Variants in TMEM185A observed in about 807,000 individuals in gnomAD.
The protein encoded by TMEM185A is family with sequence similarity 11, member A.
In TMEM185A, 9 loss-of-function variants were observed where a neutral mutation model predicts 25.0. That is an observed-to-expected ratio of 0.36 (90% confidence interval 0.22 to 0.63). The LOEUF is 0.63. Among genes scored for constraint, TMEM185A ranks in the 20% least tolerant of loss-of-function variants. The pLI, the probability that TMEM185A is intolerant of heterozygous loss-of-function variation, is 0.68. For synonymous variants in TMEM185A, 45 were observed against 93.5 expected (o/e 0.48, Z 2.99); for missense variants, 103 against 237.4 (o/e 0.43, Z 3.72).
chrX:149,616,672 G>A (rs149235055), intron 1 of TMEM185A, among the ~76,000 whole-genome samples: 2,163 of 111,605 alleles, frequency 0.019, 45 homozygotes, highest in African/African-American at 0.056. Context: ...TATCTTTGTG[G>A]GTCATGATTT....
chrX:149,622,594 A>G (rs2090144657), intron 1 of TMEM185A, among the ~76,000 whole-genome samples: 1 of 112,587 alleles, frequency 8.9e-6, no homozygotes, highest in Non-Finnish European at 1.9e-5. Flanking sequence ...ATCATGGGGC[A>G]GCAATACACA....
chrX:149,627,088 A>T (rs1322104630), intron 1 of TMEM185A, among the ~76,000 whole-genome samples: 4 of 111,243 alleles, frequency 3.6e-5, no homozygotes, highest in African/African-American at 1.3e-4. Flanking sequence ...CAGACACTTT[A>T]CGGGTGTCGG....
intron 1 of TMEM185A, among the ~76,000 whole-genome samples, chrX:149,614,011 CTAAT>C (rs2090098049): frequency 1.8e-5 from 2 of 112,235 alleles, no homozygotes; most frequent in Non-Finnish European, 3.8e-5. Flanking sequence ...TTCTTAGTAA[CTAAT>C]AGAACACATA....
chrX:149,614,089 A>T (rs2090098548), intron 1 of TMEM185A, among the ~76,000 whole-genome samples: 1 of 112,155 alleles, frequency 8.9e-6, no homozygotes, highest in Non-Finnish European at 1.9e-5. Context: ...GACCTAATTA[A>T]TATTAATGAG....
chrX:149,602,436 T>C, intron 4 of TMEM185A, among the ~76,000 whole-genome samples: 1 of 112,547 alleles, frequency 8.9e-6, no homozygotes, highest in Non-Finnish European at 1.9e-5. Context: ...GACCAGTTCT[T>C]GATTGTAGGT....
intron 3 of TMEM185A, among the ~76,000 whole-genome samples, chrX:149,604,679 C>T (rs145657358): frequency 8.1e-5 from 9 of 111,435 alleles, no homozygotes; most frequent in East Asian, 2.8e-4. Context: ...TTTCTCTCTG[C>T]GAGACAGTAA....
At chrX:149,622,136 A>T (rs978522254) in intron 1 of TMEM185A, among the ~76,000 whole-genome samples, 7 of 112,435 alleles carry the variant, frequency 6.2e-5, no homozygotes, top group Non-Finnish European at 1.3e-4. Flanking sequence ...ATCAGAAATC[A>T]GATGACAGAG....
chrX:149,624,542 C>T (rs1197252965), intron 1 of TMEM185A, among the ~76,000 whole-genome samples: 1 of 111,544 alleles, frequency 9.0e-6, no homozygotes, highest in East Asian at 2.8e-4. Context: ...TTAACACATG[C>T]CTGCATGCAC....
chrX:149,602,667 G>C (rs1557352580), intron 4 of TMEM185A, among the ~76,000 whole-genome samples: 1 of 112,456 alleles, frequency 8.9e-6, no homozygotes, highest in East Asian at 2.8e-4. Context: ...TTTGTGGAAA[G>C]CTCTCAAAAT....
intron 1 of TMEM185A, among the ~76,000 whole-genome samples, chrX:149,620,663 T>C (rs2090135376): frequency 8.9e-6 from 1 of 111,765 alleles, no homozygotes; most frequent in African/African-American, 3.3e-5. Context: ...TGTCTTAGTA[T>C]TATAATTTTG....
chrX:149,631,138 G>C (rs1200558987), intron 1 of TMEM185A, among the ~76,000 whole-genome samples: 2 of 110,614 alleles, frequency 1.8e-5, no homozygotes, highest in African/African-American at 6.6e-5. Flanking sequence ...CAGCTGGGGT[G>C]GGGGTAGGGG....
At chrX:149,609,664 G>A (rs2090071396) in intron 2 of TMEM185A, among the ~76,000 whole-genome samples, 3 of 112,079 alleles carry the variant, frequency 2.7e-5, no homozygotes, top group African/African-American at 6.5e-5. Context: ...CAAATACACC[G>A]GAAGTTAGAT....
intron 4 of TMEM185A, chrX:149,603,694 A>G: frequency 4.8e-6 from 1 of 207,984 alleles, no homozygotes; most frequent in Non-Finnish European, 8.7e-6. Context: ...TGTATCAATT[A>G]AACTTTAGAA....
intron 1 of TMEM185A, among the ~76,000 whole-genome samples, chrX:149,621,202 T>C (rs904398381): frequency 1.9e-5 from 2 of 104,899 alleles, no homozygotes; most frequent in South Asian, 3.9e-4. Context: ...TTTCAGACTA[T>C]AAATAAAAAG....
At position 149,611,564 on chromosome X, in the gene TMEM185A, G is replaced by A. The variant is rs113726702; in HGVS notation, c.39-101C>T. ...CCACATTTGTCAGCATGTAAAAGGA[G>A]TCACTAACTCAATAATCATTTATTG... On this transcript the variant is annotated intron_variant, in intron 1 of 6. Coordinates refer to ENST00000600449, the MANE Select transcript of TMEM185A (RefSeq NM_032508.4). 8.0e-3 allele frequency: 5,933 copies of A among 741,804 alleles called. 74 individuals carry two copies. Among genetic ancestry groups the A allele is most frequent in the African/African-American group, 0.058 (2,709 of 46,779 alleles). 61.1% of individuals were successfully genotyped at this position (741,804 alleles called of 1,213,427 possible).
chrX:149,621,077 A>T (rs1285378536), intron 1 of TMEM185A, among the ~76,000 whole-genome samples: 1 of 112,494 alleles, frequency 8.9e-6, no homozygotes, highest in Non-Finnish European at 1.9e-5. Flanking sequence ...TTGAAAACAG[A>T]CTATTTAAAA....
chrX:149,616,528 CT>C lies in TMEM185A; in HGVS notation c.39-5066del, dbSNP rs782041116. Among the ~76,000 whole-genome samples the C allele has an allele frequency of 2.6e-4, 29 of 111,829 alleles. No individual in the cohort carries two copies. In the East Asian group the frequency reaches 8.2e-3, roughly 31 times the overall value. On this transcript the variant is annotated intron_variant, in intron 1 of 6. Coordinates refer to ENST00000600449, the MANE Select transcript of TMEM185A (RefSeq NM_032508.4). ...GCATAAAATCTTCAAATCTCTGTCT[CT>C]GTTTCCACCACACTGCCTTCTCCTC...
At chrX:149,611,589 G>A in intron 1 of TMEM185A, 126 bp from the exon 2 acceptor site, 1 of 620,168 alleles carries the variant, frequency 1.6e-6, no homozygotes, top group Non-Finnish European at 2.5e-6. Context: ...ATCATTTATT[G>A]AAAAGGTCTA....
intron 1 of TMEM185A, among the ~76,000 whole-genome samples, chrX:149,612,312 T>C (rs2090088253): frequency 8.9e-6 from 1 of 111,865 alleles, no homozygotes; most frequent in South Asian, 3.8e-4. Context: ...TCAGAGGCAG[T>C]TTCCAGGCTG....
Sources: allele counts gnomAD v4.1 joint callset (sites outside exome capture counted in the v4.1 genomes callset), GRCh38; gene constraint gnomAD v4.1.1; transcripts MANE v1.5; gene names NCBI Gene and HGNC (gene_info 2026-07-23, HGNC 2026-07-21).